Variants in TTC28 observed in about 807,000 individuals in gnomAD.
TTC28 encodes tetratricopeptide repeat protein 28.
A neutral mutation model predicts 198.0 loss-of-function variants in TTC28; 61 were observed. That is an observed-to-expected ratio of 0.31 (90% confidence interval 0.25 to 0.38). TTC28 has a LOEUF of 0.38. Ranked by LOEUF, TTC28 falls within the 10% of genes least tolerant of loss-of-function variation. TTC28 has a pLI of 1.00. For synonymous variants in TTC28, 1,171 were observed against 1,297.8 expected, an observed-to-expected ratio of 0.90 and a Z score of 2.10; for missense variants, 2,678 against 3,164.0, an observed-to-expected ratio of 0.85 and a Z score of 3.69.
At chr22:28,346,858 G>A (rs1315850224) in intron 2 of TTC28, among the ~76,000 whole-genome samples, 2 of 152,154 alleles carry the variant, frequency 1.3e-5, no homozygotes, top group African/African-American at 4.8e-5. Context: ...AGTAACAAAG[G>A]AAGCAACTTA....
At chr22:28,201,363 T>C (rs1443060827) in intron 5 of TTC28, among the ~76,000 whole-genome samples, 1 of 152,080 alleles carries the variant, frequency 6.6e-6, no homozygotes, top group South Asian at 2.1e-4. Context: ...TGATGAAGAC[T>C]GGAGAAGGGC....
intron 1 of TTC28, among the ~76,000 whole-genome samples, chr22:28,630,781 A>T (rs372609882): frequency 1.3e-5 from 2 of 152,200 alleles, no homozygotes; most frequent in East Asian, 3.8e-4. Flanking sequence ...GCATATGTGT[A>T]TATGTATGTT....
chr22:28,616,045 A>C (rs2050900393), intron 2 of TTC28, among the ~76,000 whole-genome samples: 1 of 152,230 alleles, frequency 6.6e-6, no homozygotes, highest in Non-Finnish European at 1.5e-5. Context: ...AGGAAACTAA[A>C]ATTGAATAGT....
chr22:28,622,570 TA>T (rs961699632), intron 2 of TTC28, among the ~76,000 whole-genome samples: 45 of 151,292 alleles, frequency 3.0e-4, no homozygotes, highest in African/African-American at 1.1e-3. Context: ...AAGGACAAAT[TA>T]AAAAGGAATA....
intron 2 of TTC28, among the ~76,000 whole-genome samples, chr22:28,320,457 T>G (rs73882725): frequency 6.6e-6 from 1 of 152,300 alleles, no homozygotes; most frequent in African/African-American, 2.4e-5. Context: ...AAATTGTACT[T>G]CGGGATTCCC....
In TTC28 at chr22:28,105,588, C is replaced by T. The variant is rs779147277; in HGVS notation, c.2998G>A (p.Ala1000Thr). Reference sequence around the variant, plus strand: ...TGGTAAACGCCCCCCAGGCCACAGGCTGCGTCACTCTCCAGGGCTCGGTCT... The same window carrying T: ...TGGTAAACGCCCCCCAGGCCACAGGTTGCGTCACTCTCCAGGGCTCGGTCT... ...MKDRALESDA[A>T]CGLGGVYQQM... Residue 1000 changes from alanine (A) to threonine (T), a missense_variant, in exon 8 of 23, where the codon GCC becomes ACC. Physicochemically the swap from Ala to Thr is moderately conservative, Grantham distance 58 (BLOSUM62 0). Around this residue, in one of 8 missense-constraint regions of TTC28, gnomAD observed 727 missense variants for 861.9 expected, o/e 0.84. Transcript: ENST00000397906. 1.3e-6 allele frequency: 2 copies of T among 1,551,808 alleles called. No individual in the cohort carries two copies. The highest frequency in any genetic ancestry group is 1.2e-5 in the South Asian group (1 of 84,054).
chr22:28,176,853 A>G (rs1183749380), intron 5 of TTC28, among the ~76,000 whole-genome samples: 1 of 151,970 alleles, frequency 6.6e-6, no homozygotes, highest in Admixed American at 6.5e-5. Flanking sequence ...CATCACATAC[A>G]AAAAAATGAA....
At chr22:28,492,907 A>T (rs1345963946) in intron 2 of TTC28, among the ~76,000 whole-genome samples, 1 of 152,128 alleles carries the variant, frequency 6.6e-6, no homozygotes, top group African/African-American at 2.4e-5. Context: ...AAAAAGTAAG[A>T]CAGTTTCCAA....
At chr22:28,049,752 G>A (rs904849066) in intron 12 of TTC28, among the ~76,000 whole-genome samples, 17 of 152,160 alleles carry the variant, frequency 1.1e-4, no homozygotes, top group African/African-American at 1.7e-4. Context: ...TGTGTGAGGG[G>A]TGTGTGCAAG....
chr22:28,376,815 G>A (rs2046418081), intron 2 of TTC28, among the ~76,000 whole-genome samples: 1 of 152,136 alleles, frequency 6.6e-6, no homozygotes, highest in Non-Finnish European at 1.5e-5. Context: ...TCCTCAGAGA[G>A]TGCCCCGACC....
At chr22:28,124,840 A>G (rs1034282768) in intron 6 of TTC28, among the ~76,000 whole-genome samples, 1 of 152,178 alleles carries the variant, frequency 6.6e-6, no homozygotes, top group Non-Finnish European at 1.5e-5. Flanking sequence ...TTGAGGTAGA[A>G]GGTAGAGGTA....
intron 1 of TTC28, among the ~76,000 whole-genome samples, chr22:28,634,064 A>G (rs1382961827): frequency 2.0e-5 from 3 of 152,328 alleles, no homozygotes; most frequent in Middle Eastern, 3.4e-3. Flanking sequence ...TAGAATTAGT[A>G]GTAGTTAACC....
chr22:28,050,576 G>A (rs1001727321), intron 12 of TTC28, among the ~76,000 whole-genome samples: 12 of 152,288 alleles, frequency 7.9e-5, no homozygotes, highest in African/African-American at 2.4e-4. Context: ...TGAGATGCAC[G>A]ATGGCAGAGT....
intron 2 of TTC28, among the ~76,000 whole-genome samples, chr22:28,621,436 T>C (rs1429566773): frequency 6.6e-6 from 1 of 151,950 alleles, no homozygotes; most frequent in East Asian, 1.9e-4. Flanking sequence ...GAAAAAAGGC[T>C]GGGCCTCATG....
chr22:28,222,141 T>C (rs1355817857), intron 5 of TTC28, among the ~76,000 whole-genome samples: 3 of 152,218 alleles, frequency 2.0e-5, no homozygotes, highest in Admixed American at 6.5e-5. Flanking sequence ...TGCTGCTCTT[T>C]AATGAGCATT....
intron 18 of TTC28, 121 bp from the exon 19 acceptor site, chr22:27,992,784 C>A: frequency 1.1e-6 from 1 of 879,902 alleles, no homozygotes; most frequent in South Asian, 1.7e-5. Context: ...AGAAGCTCAG[C>A]ACAGCTAGAC....
At chr22:28,404,245 G>A (rs558324038) in intron 2 of TTC28, among the ~76,000 whole-genome samples, 4 of 151,934 alleles carry the variant, frequency 2.6e-5, no homozygotes, top group Non-Finnish European at 5.9e-5. Flanking sequence ...TCAGCCTCCC[G>A]AGTAGCTGGG....
chr22:28,145,488 T>C (rs1943449141), intron 6 of TTC28, among the ~76,000 whole-genome samples: 2 of 152,072 alleles, frequency 1.3e-5, no homozygotes, highest in Non-Finnish European at 2.9e-5. Flanking sequence ...GGGGGCAGAG[T>C]TAGAATCTGG....
At chr22:28,453,168 T>A (rs1317797882) in intron 2 of TTC28, among the ~76,000 whole-genome samples, 1 of 152,214 alleles carries the variant, frequency 6.6e-6, no homozygotes, top group African/African-American at 2.4e-5. Context: ...TATGAGCCAC[T>A]CAACATCTTT....
Sources: allele counts gnomAD v4.1 joint callset (sites outside exome capture counted in the v4.1 genomes callset), GRCh38; gene constraint gnomAD v4.1.1; regional missense constraint gnomAD v4.1.1; transcripts MANE v1.5; gene names NCBI Gene and HGNC (gene_info 2026-07-23, HGNC 2026-07-21).